The following VPS11 variants were observed in gnomAD, a reference collection of about 807,000 sequenced individuals.
VPS11 encodes VPS11 core subunit of CORVET and HOPS complexes, also known as vacuolar protein sorting-associated protein 11 homolog.
A neutral mutation model predicts 106.8 loss-of-function variants in VPS11; 51 were observed. The observed-to-expected ratio is 0.48, with a 90% CI of 0.38 to 0.60. The LOEUF is 0.60. Among genes scored for constraint, VPS11 ranks in the 20% least tolerant of loss-of-function variants. VPS11 has a pLI of 0.00. For synonymous variants in VPS11, 453 were observed against 458.7 expected (o/e 0.99, Z 0.16); for missense variants, 950 against 1,190.0 (o/e 0.80, Z 2.97).
At position 119,069,450 on chromosome 11, in the gene VPS11, C is replaced by A; in HGVS notation, c.345C>A (p.Ile115=). The A allele has an allele frequency of 1.2e-6, 2 of 1,614,040 alleles. No individual in the cohort carries two copies. Among genetic ancestry groups the A allele is most frequent in the Non-Finnish European group, 1.7e-6 (2 of 1,179,892 alleles). The change falls in exon 3 of 16, where the codon ATC becomes ATA. Residue 115 remains isoleucine (I), a synonymous_variant. Coordinates refer to ENST00000621676, the MANE Select transcript of VPS11 (RefSeq NM_021729.6). The stretch of plus-strand genomic sequence containing the variant: ...CTGAGGTCTGTCCACAGGTTAAGAT[C>A]TGGAACCTGGAGAAGAGAGATGGTG... The part of the protein sequence containing the change: ...DEEGINPLVK[I]WNLEKRDGGN...
At chr11:119,071,893 G>C in intron 5 of VPS11, 50 bp downstream of exon 5, 1 of 1,577,766 alleles carries the variant, frequency 6.3e-7, no homozygotes, top group Non-Finnish European at 8.6e-7. Context: ...TTGTTCCCCA[G>C]AATCCGCCTG....
rs1487347696 is a variant in VPS11, at chr11:119,069,319, A to G, written c.311A>G (p.Glu104Gly). ...KQHNILASVGEDEEGINPLVK... is the reference protein window; with the variant it reads ...KQHNILASVGGDEEGINPLVK... ...CACAATATTCTGGCATCTGTTGGAG[A>G]AGATGAAGAGGGCATCAACCCCTTG... The change falls in exon 2 of 16, where the codon GAA becomes GGA. Residue 104 changes from glutamate to glycine, a missense_variant. This residue lies in a region of VPS11 where 435 missense variants were observed against 630.2 expected (regional missense o/e 0.69). Transcript: ENST00000621676. The G allele has an allele frequency of 6.2e-7, 1 of 1,613,978 alleles. No homozygotes were observed.
intron 14 of VPS11, among the ~76,000 whole-genome samples, chr11:119,080,044 A>T (rs556289395): frequency 4.6e-5 from 7 of 152,280 alleles, no homozygotes; most frequent in Admixed American, 1.3e-4. Flanking sequence ...GACAGCAAAC[A>T]TGTTAAATAG....
At position 119,073,871 on chromosome 11, in the gene VPS11, G is replaced by A; in HGVS notation, c.1158G>A (p.Gly386=). The A allele has an allele frequency of 1.9e-6, 3 of 1,613,896 alleles. 1 individual carries two copies. The South Asian group carries it at 3.3e-5, about 18-fold the overall frequency. Reference sequence around the variant, plus strand: ...AGAGCCAGCATCTGGACAGTGATGGGCTGGCCCAGATTTTCATGCAGTATG... The same window carrying A: ...AGAGCCAGCATCTGGACAGTGATGGACTGGCCCAGATTTTCATGCAGTATG... The part of the protein sequence containing the change: ...LAKSQHLDSD[G]LAQIFMQYGD... Residue 386 remains glycine, a synonymous_variant, in exon 7 of 16, where the codon GGG becomes GGA. Coordinates refer to ENST00000621676, the MANE Select transcript of VPS11 (RefSeq NM_021729.6).
chr11:119,074,388 T>G (rs1212792831), intron 7 of VPS11, among the ~76,000 whole-genome samples: 1 of 151,790 alleles, frequency 6.6e-6, no homozygotes, highest in Non-Finnish European at 1.5e-5. Flanking sequence ...GCCCGGTGTT[T>G]TTTTCTTTGC....
Position 119,072,949 on chromosome 11 carries a change from A to G in VPS11, c.885-249A>G, listed in dbSNP as rs1945455248. On this transcript the variant is annotated intron_variant, in intron 5 of 15. Transcript: ENST00000621676. ...TATTGGATTATTATTTTCTAAATGA[A>G]TGGATATGTTAGTGTACTTAATTTT... 5.8e-6 allele frequency: 3 copies of G among 518,582 alleles called. No homozygotes were observed. In the Admixed American group the frequency reaches 1.0e-4, roughly 18 times the overall value. 32.1% of individuals were successfully genotyped at this position (518,582 alleles called of 1,614,324 possible).
chr11:119,079,445 C>T, intron 14 of VPS11, 145 bp downstream of exon 14: 1 of 1,056,520 alleles, frequency 9.5e-7, no homozygotes, highest in Non-Finnish European at 1.3e-6. Context: ...TTGAGGAATT[C>T]CAAAAAATGG....
chr11:119,070,447 T>C (rs782023733), intron 4 of VPS11, 50 bp downstream of exon 4: 1 of 1,562,512 alleles, frequency 6.4e-7, no homozygotes, highest in South Asian at 1.2e-5. Flanking sequence ...GGCTTCTCCA[T>C]TGTTCAGGGG....
chr11:119,070,642 G>A (rs1945346304), intron 4 of VPS11: 2 of 289,906 alleles, frequency 6.9e-6, no homozygotes, highest in African/African-American at 2.2e-5. Context: ...GTCTCACTGT[G>A]TTGCTCAGGC....
chr11:119,076,516 A>C (rs1283742911), intron 7 of VPS11, among the ~76,000 whole-genome samples: 1 of 151,894 alleles, frequency 6.6e-6, no homozygotes, highest in East Asian at 1.9e-4. Context: ...ACAGGAGCGA[A>C]CCTCCCTCTC....
intron 4 of VPS11, 60 bp downstream of exon 4, chr11:119,070,457 G>A: frequency 1.3e-6 from 2 of 1,509,044 alleles, no homozygotes; most frequent in African/African-American, 1.4e-5. Flanking sequence ...TTGTTCAGGG[G>A]GATAGGGTAA....
intron 4 of VPS11, among the ~76,000 whole-genome samples, chr11:119,071,343 A>G (rs573376599): frequency 6.8e-4 from 103 of 152,330 alleles, no homozygotes; most frequent in Non-Finnish European, 1.1e-3. Context: ...ATAAAGTAGT[A>G]GATTATTACA....
At chr11:119,078,512 G>T (rs1181548149) in intron 11 of VPS11, 53 bp from the exon 12 acceptor site, 3 of 1,595,990 alleles carry the variant, frequency 1.9e-6, no homozygotes, top group Non-Finnish European at 1.7e-6. Flanking sequence ...TGTCCCAAGA[G>T]ACCTTGTGAT....
rs184090057 is a variant in VPS11 at position 119,075,576 on chromosome 11, G to A, written c.1239-1321G>A. ...AAAAAAAAAAAAAATACAAGGCCAG[G>A]CGTGGTGGCTCACGCCTGTAATCTC... On this transcript the variant is annotated intron_variant, in intron 7 of 15. Transcript: ENST00000621676. Among the ~76,000 whole-genome samples, 1,480 of 150,552 alleles carry A rather than the reference G, an allele frequency of 9.8e-3. 26 individuals are homozygous for A. Among genetic ancestry groups the A allele is most frequent in the African/African-American group, 0.034 (1,413 of 40,978 alleles).
chr11:119,068,444 CTT>C (rs71048037), intron 1 of VPS11, among the ~76,000 whole-genome samples: 1 of 128,130 alleles, frequency 7.8e-6, no homozygotes, highest in African/African-American at 3.4e-5. Context: ...GCCTTTTTAC[CTT>C]TTTTTTTTTT....
Position 119,078,714 on chromosome 11 carries a change from T to G in VPS11, c.2063+10T>G, listed in dbSNP as rs551239572. 109 of 1,610,222 alleles carry G rather than the reference T, an allele frequency of 6.8e-5. 2 individuals carry two copies. The highest frequency in any genetic ancestry group is 6.7e-4 in the South Asian group (61 of 90,760). On this transcript the variant is annotated intron_variant, in intron 12 of 15. Coordinates refer to ENST00000621676, the MANE Select transcript of VPS11 (RefSeq NM_021729.6). Reference sequence around the variant, plus strand: ...ATGAGCAGGGGAAGCTGTAAGAGTTTGGGGAATTTCAGGGAAAGGGGAAGA... The same window carrying G: ...ATGAGCAGGGGAAGCTGTAAGAGTTGGGGGAATTTCAGGGAAAGGGGAAGA...
Position 119,074,093 on chromosome 11 carries a change from G to GT in VPS11, c.1238+151dup, listed in dbSNP as rs370555790. The GT allele has an allele frequency of 2.0e-3, 2,185 of 1,088,130 alleles. 1 individual carries two copies. The highest frequency in any genetic ancestry group is 6.0e-3 in the African/African-American group (378 of 62,746). The allele number at this position is 1,088,130 out of a possible 1,614,324, so 67.4% of individuals were successfully genotyped here. A position where few individuals can be genotyped will look rare whatever the true frequency, so the allele number is the denominator to read the frequency against. On this transcript the variant is annotated intron_variant, in intron 7 of 15. Transcript: ENST00000621676. ...TTTGGTTTTTTGTTTGTTTTTGTTA[G>GT]TTTTTTTTTGAGATGGAGTTTCGCT...
chr11:119,076,865 T>C, intron 7 of VPS11, 32 bp from the exon 8 acceptor site: 2 of 1,611,164 alleles, frequency 1.2e-6, no homozygotes, highest in South Asian at 2.2e-5. Flanking sequence ...GTACACTGAT[T>C]CAGATGCTAT....
At chr11:119,073,423 C>T (rs782352977) in intron 6 of VPS11, 24 bp downstream of exon 6, 2 of 1,608,652 alleles carry the variant, frequency 1.2e-6, no homozygotes, top group Admixed American at 3.4e-5. Context: ...GCTCGCAGAG[C>T]TGGCCACAGG....
Sources: gnomAD v4.1 joint callset for allele counts (sites outside exome capture counted in the v4.1 genomes callset) on GRCh38, gnomAD v4.1.1 for gene constraint, gnomAD v4.1.1 regional missense constraint, MANE v1.5 for transcripts, NCBI Gene and HGNC (gene_info 2026-07-23, HGNC 2026-07-21) for gene names.